Variants in EYA1 observed in about 807,000 individuals in gnomAD.
EYA1 encodes the protein EYA transcriptional coactivator and phosphatase 1.
Under a neutral mutation model 82.0 loss-of-function variants are expected in EYA1, and 16 were observed. The observed-to-expected ratio is 0.20, with a 90% CI of 0.13 to 0.30. The LOEUF (loss-of-function observed/expected upper bound fraction) is 0.30. EYA1 is among the 10% of genes least tolerant of loss of function. The probability of loss-of-function intolerance (pLI) is 1.00; values close to 1 mark genes in which losing one functional copy is unlikely to be tolerated. For missense variants in EYA1, 633 were observed against 730.7 expected, an observed-to-expected ratio of 0.87 and a Z score of 1.54; for synonymous variants, 261 against 264.4, an observed-to-expected ratio of 0.99 and a Z score of 0.12.
chr8:71,355,514 T>C, intron 2 of EYA1, among the ~76,000 whole-genome samples: 1 of 152,208 alleles, frequency 6.6e-6, no homozygotes, highest in East Asian at 1.9e-4. Context: ...TTCCTCTGTT[T>C]CCCTTGAAAC....
At chr8:71,544,336 C>T (rs7826437) in intron 1 of EYA1, among the ~76,000 whole-genome samples, 92,282 of 151,984 alleles carry the variant, frequency 0.61, 28,746 homozygotes, top group African/African-American at 0.77. Flanking sequence ...AGGAATCATC[C>T]GAAACATCCT....
intron 11 of EYA1, among the ~76,000 whole-genome samples, chr8:71,246,415 A>G (rs1585978001): frequency 6.6e-6 from 1 of 152,208 alleles, no homozygotes; most frequent in African/African-American, 2.4e-5. Context: ...ATACAATCCA[A>G]AGAAAAGACT....
In EYA1 at chr8:71,203,430, A is replaced by C. The variant is rs73684712; in HGVS notation, c.1699-4010T>G. Among the ~76,000 whole-genome samples the C allele has an allele frequency of 6.9e-3, 1,055 of 152,332 alleles. 7 individuals are homozygous for C. Among genetic ancestry groups the C allele is most frequent in the African/African-American group, 0.024 (1,004 of 41,582 alleles). The stretch of plus-strand genomic sequence containing the variant: ...TGAGGGATGAAGAATTAAAAAGACA[A>C]ATTCAGAGAGAAGAGAGCTCAGTTG... On this transcript the variant is annotated intron_variant, in intron 17 of 17. Coordinates refer to ENST00000340726, the MANE Select transcript of EYA1 (RefSeq NM_000503.6).
intron 2 of EYA1, among the ~76,000 whole-genome samples, chr8:71,407,129 G>A (rs1259168400): frequency 6.3e-5 from 8 of 127,386 alleles, no homozygotes; most frequent in Non-Finnish European, 8.5e-5. Flanking sequence ...CACCTCACAC[G>A]GCAGGGTATT....
chr8:71,358,043 C>A (rs558653440), intron 1 of EYA1, among the ~76,000 whole-genome samples: 13 of 151,552 alleles, frequency 8.6e-5, no homozygotes, highest in Admixed American at 6.6e-4. Flanking sequence ...GTTTTAAGAA[C>A]TCTCCTGGCT....
intron 3 of EYA1, among the ~76,000 whole-genome samples, chr8:71,341,806 A>T (rs1047392738): frequency 6.6e-6 from 1 of 152,176 alleles, no homozygotes; most frequent in African/African-American, 2.4e-5. Flanking sequence ...AACCAAATAA[A>T]CACATCCAGA....
intron 1 of EYA1, among the ~76,000 whole-genome samples, chr8:71,544,691 C>A (rs1252602466): frequency 6.6e-6 from 1 of 152,152 alleles, no homozygotes; most frequent in Non-Finnish European, 1.5e-5. Context: ...GAGTTACTTA[C>A]TTAACTTTCT....
At chr8:71,260,335 T>C (rs1014515780) in intron 11 of EYA1, among the ~76,000 whole-genome samples, 3 of 152,214 alleles carry the variant, frequency 2.0e-5, no homozygotes, top group Non-Finnish European at 4.4e-5. Context: ...AAAGTACTTA[T>C]GGTGTTCTTA....
At chr8:71,519,720 C>T (rs570022942) in intron 2 of EYA1, among the ~76,000 whole-genome samples, 6 of 151,878 alleles carry the variant, frequency 4.0e-5, no homozygotes, top group African/African-American at 9.7e-5. Flanking sequence ...TCATTCCAGC[C>T]GCCTGTTTCA....
Position 71,249,138 on chromosome 8 carries a change from G to A in EYA1, c.1051-4446C>T, listed in dbSNP as rs192485536. Among the ~76,000 whole-genome samples, 10 of 152,050 alleles carry A rather than the reference G, an allele frequency of 6.6e-5. No homozygotes were observed. The South Asian group carries it at 1.2e-3, about 19-fold the overall frequency. ...CAAATGTTCTCATTCTTTTCAAAAC[G>A]TGGCCTTTCTGTGGCATATGCCACT... On this transcript the variant is annotated intron_variant, in intron 11 of 17. Transcript: ENST00000340726.
chr8:71,543,260 A>G (rs868684033), intron 1 of EYA1, among the ~76,000 whole-genome samples: 1 of 152,218 alleles, frequency 6.6e-6, no homozygotes, highest in African/African-American at 2.4e-5. Flanking sequence ...CAACTTGTCC[A>G]TGATGGAAAG....
intron 2 of EYA1, among the ~76,000 whole-genome samples, chr8:71,505,268 C>T (rs1812113811): frequency 6.6e-6 from 1 of 152,144 alleles, no homozygotes; most frequent in Admixed American, 6.6e-5. Flanking sequence ...GGTCTAGAAC[C>T]AGGCCAAGTT....
intron 11 of EYA1, 89 bp downstream of exon 11, chr8:71,269,650 TA>T (rs1276527117): frequency 1.1e-6 from 1 of 916,494 alleles, no homozygotes; most frequent in Non-Finnish European, 1.7e-6. Flanking sequence ...TTAAATTTGT[TA>T]AAGTTAAATT....
intron 3 of EYA1, among the ~76,000 whole-genome samples, chr8:71,342,964 C>A (rs1825312841): frequency 6.6e-6 from 1 of 152,162 alleles, no homozygotes; most frequent in African/African-American, 2.4e-5. Flanking sequence ...TTGAAAATCA[C>A]AGAATTGCAA....
At chr8:71,531,073 T>C (rs369956774) in intron 2 of EYA1, 1 of 152,330 alleles carries the variant, frequency 6.6e-6, no homozygotes, top group East Asian at 1.9e-4. Flanking sequence ...GGGTTAGTGT[T>C]TATAATACCT....
At chr8:71,403,606 G>C (rs1353804121) in intron 2 of EYA1, 1 of 152,108 alleles carries the variant, frequency 6.6e-6, no homozygotes, top group Non-Finnish European at 1.5e-5. Context: ...GGATCTACTT[G>C]ATCATCTACC....
chr8:71,216,192 C>T (rs1809168423), intron 14 of EYA1, among the ~76,000 whole-genome samples: 1 of 152,180 alleles, frequency 6.6e-6, no homozygotes, highest in Non-Finnish European at 1.5e-5. Flanking sequence ...CACAGGCTTC[C>T]CCGACAGCAT....
At chr8:71,208,664 C>CACATGTATACCTATG (rs1301261908) in intron 17 of EYA1, among the ~76,000 whole-genome samples, 2 of 151,986 alleles carry the variant, frequency 1.3e-5, no homozygotes, top group Non-Finnish European at 2.9e-5. Flanking sequence ...ACCAACATGG[C>CACATGTATACCTATG]ACATGTATAC....
chr8:71,402,984 A>C (rs1332129158), intron 2 of EYA1, among the ~76,000 whole-genome samples: 1 of 152,244 alleles, frequency 6.6e-6, no homozygotes, highest in African/African-American at 2.4e-5. Context: ...AAAATATTAA[A>C]AAGAAAACTA....
Sources: allele counts gnomAD v4.1 joint callset (sites outside exome capture counted in the v4.1 genomes callset), GRCh38; gene constraint gnomAD v4.1.1; transcripts MANE v1.5; gene names NCBI Gene and HGNC (gene_info 2026-07-23, HGNC 2026-07-21).